Variants in CENPW observed in about 807,000 individuals in gnomAD.
CENPW encodes the protein cancer-up-regulated gene 2 protein.
CENPW carries 3 observed loss-of-function variants against 11.1 expected under a neutral mutation model. That is an observed-to-expected ratio of 0.27 (90% CI 0.12 to 0.70). The LOEUF (loss-of-function observed/expected upper bound fraction) is 0.70, where lower values mean the gene tolerates loss of function less well. Among genes scored for constraint, CENPW ranks in the 30% least tolerant of loss-of-function variants. CENPW has a pLI of 0.77. For missense variants in CENPW, 100 were observed against 105.6 expected (o/e 0.95, Z 0.23); for synonymous variants, 38 against 42.0 (o/e 0.91, Z 0.37).
At chr6:126,465,721 TA>T in the CENPW span, among the ~76,000 whole-genome samples, 325 of 151,934 alleles carry the variant, frequency 2.1e-3, 3 homozygotes, top group African/African-American at 7.4e-3. Flanking sequence ...CACATAAACA[TA>T]GAGAATTGAT....
chr6:126,344,634 G>A (rs1261138911), intron 1 of CENPW, among the ~76,000 whole-genome samples: 1 of 152,214 alleles, frequency 6.6e-6, no homozygotes, highest in Non-Finnish European at 1.5e-5. Context: ...TTACCTCAGA[G>A]TTCTTGTGAG....
the CENPW span, among the ~76,000 whole-genome samples, chr6:126,448,183 T>C: frequency 6.6e-6 from 1 of 151,204 alleles, no homozygotes; most frequent in South Asian, 2.1e-4. Flanking sequence ...GGAATGTAAA[T>C]TCTTGGGTTT....
At chr6:126,392,303 TTC>T in the CENPW span, among the ~76,000 whole-genome samples, 1 of 151,872 alleles carries the variant, frequency 6.6e-6, no homozygotes, top group African/African-American at 2.4e-5. Flanking sequence ...CATATAAAAT[TTC>T]TGTTTCAAAT....
the CENPW span, among the ~76,000 whole-genome samples, chr6:126,414,087 ATAAT>A: frequency 6.6e-6 from 1 of 152,064 alleles, no homozygotes. Context: ...TCATTATATA[ATAAT>A]TAAGGAATAA....
chr6:126,446,365 A>C, the CENPW span, among the ~76,000 whole-genome samples: 62,573 of 130,112 alleles, frequency 0.48, 15,517 homozygotes, highest in East Asian at 0.97. Flanking sequence ...TGGCCCCCCC[A>C]CAAGAAAAAA....
At chr6:126,469,269 T>C in the CENPW span, among the ~76,000 whole-genome samples, 7 of 152,100 alleles carry the variant, frequency 4.6e-5, no homozygotes, top group African/African-American at 1.7e-4. Context: ...TCTCACAAGA[T>C]CTGAAAGTTT....
At chr6:126,449,416 A>G in the CENPW span, among the ~76,000 whole-genome samples, 2 of 151,006 alleles carry the variant, frequency 1.3e-5, no homozygotes, top group Non-Finnish European at 3.0e-5. Flanking sequence ...AAATATTTAC[A>G]GAATGAAAAA....
the CENPW span, among the ~76,000 whole-genome samples, chr6:126,384,800 GC>G: frequency 6.6e-6 from 1 of 152,054 alleles, no homozygotes; most frequent in African/African-American, 2.4e-5. Flanking sequence ...CTTCTGCACA[GC>G]CAAAGAAACT....
chr6:126,347,761 T>G (rs1193081226), intron 2 of CENPW, among the ~76,000 whole-genome samples: 21 of 152,072 alleles, frequency 1.4e-4, no homozygotes, highest in Admixed American at 1.4e-3. Context: ...TTTTTACATT[T>G]AGGATTTTTA....
the CENPW span, among the ~76,000 whole-genome samples, chr6:126,482,274 G>A: frequency 5.9e-5 from 9 of 152,068 alleles, no homozygotes; most frequent in South Asian, 1.5e-3. Flanking sequence ...AGCCAGATAA[G>A]TGCTTTCCAG....
the CENPW span, among the ~76,000 whole-genome samples, chr6:126,424,174 ACTTTGATGTC>A: frequency 6.6e-5 from 10 of 152,214 alleles, no homozygotes; most frequent in Non-Finnish European, 2.9e-5. Flanking sequence ...TGTTCTTCAA[ACTTTGATGTC>A]CTTTTAGAAC....
chr6:126,363,591 T>A, the CENPW span, among the ~76,000 whole-genome samples: 7 of 152,342 alleles, frequency 4.6e-5, no homozygotes, highest in South Asian at 2.1e-4. Flanking sequence ...TCTGTTATGT[T>A]CTCTTTCTCA....
chr6:126,459,190 G>T, the CENPW span, among the ~76,000 whole-genome samples: 1 of 151,168 alleles, frequency 6.6e-6, no homozygotes, highest in African/African-American at 2.4e-5. Flanking sequence ...TCTGTGACCT[G>T]CTATTCTCCA....
the CENPW span, among the ~76,000 whole-genome samples, chr6:126,450,026 C>T: frequency 0.023 from 3,513 of 151,098 alleles, 122 homozygotes; most frequent in African/African-American, 0.08. Flanking sequence ...GTAGTTCTTT[C>T]AAGTAAAAGA....
At chr6:126,340,576 C>T in intron 1 of CENPW, 177 bp downstream of exon 1, 1 of 859,382 alleles carries the variant, frequency 1.2e-6, no homozygotes, top group Non-Finnish European at 1.8e-6. Context: ...GTTCATATTC[C>T]TGGCGCTCAG....
chr6:126,423,660 C>T, the CENPW span, among the ~76,000 whole-genome samples: 76 of 151,336 alleles, frequency 5.0e-4, no homozygotes, highest in Non-Finnish European at 9.0e-4. Context: ...GGGGGTGGGG[C>T]GGGGAATATA....
chr6:126,388,301 C>T, the CENPW span, among the ~76,000 whole-genome samples: 34 of 151,884 alleles, frequency 2.2e-4, no homozygotes, highest in Admixed American at 3.3e-4. Context: ...GGCTTTTGGC[C>T]GTGCTCTTGT....
At chr6:126,360,956 T>C in the CENPW span, among the ~76,000 whole-genome samples, 20 of 152,070 alleles carry the variant, frequency 1.3e-4, no homozygotes, top group African/African-American at 4.3e-4. Context: ...CCTGGGGGAG[T>C]AGTGGGCTTA....
intron 1 of CENPW, among the ~76,000 whole-genome samples, chr6:126,340,970 GA>G (rs1341496847): frequency 6.6e-6 from 1 of 152,096 alleles, no homozygotes; most frequent in Non-Finnish European, 1.5e-5. Context: ...ACCCTGATGG[GA>G]AAGTTTATTT....
Sources: allele counts gnomAD v4.1 joint callset (sites outside exome capture counted in the v4.1 genomes callset), GRCh38; gene constraint gnomAD v4.1.1; transcripts MANE v1.5; gene names NCBI Gene and HGNC (gene_info 2026-07-23, HGNC 2026-07-21).